Variants in STAG1 observed in about 807,000 individuals in gnomAD.
The protein encoded by STAG1 is STAG1 cohesin complex component.
A neutral mutation model predicts 170.9 loss-of-function variants in STAG1; 26 were observed. The observed-to-expected ratio is 0.15, with a 90% confidence interval of 0.11 to 0.21. STAG1 has a LOEUF of 0.21. Ranked by LOEUF, STAG1 falls within the 10% of genes least tolerant of loss-of-function variation. The pLI is 1.00. For synonymous variants in STAG1, 514 were observed against 497.7 expected, an observed-to-expected ratio of 1.03 and a Z score of -0.44; for missense variants, 964 against 1,509.5, an observed-to-expected ratio of 0.64 and a Z score of 5.99.
chr3:136,398,622 T>A, intron 22 of STAG1, 127 bp downstream of exon 22: 1 of 387,700 alleles, frequency 2.6e-6, no homozygotes, highest in Non-Finnish European at 4.1e-6. Flanking sequence ...CTGGTAATAG[T>A]CATATATTTT....
chr3:136,348,960 TTCC>T (rs1936337577), intron 29 of STAG1, 195 bp downstream of exon 29: 1 of 587,024 alleles, frequency 1.7e-6, no homozygotes. Context: ...TGCTCCATGC[TTCC>T]TCAACTTCTT....
chr3:136,567,413 C>T (rs1409615692), intron 5 of STAG1, among the ~76,000 whole-genome samples: 1 of 152,196 alleles, frequency 6.6e-6, no homozygotes, highest in Non-Finnish European at 1.5e-5. Flanking sequence ...ACCATGCTTT[C>T]TTGTCTTAAG....
At position 136,337,110 on chromosome 3, in the gene STAG1, A is replaced by G. The variant is rs1433127806; in HGVS notation, c.*1144T>C. ...TCTTAATATGCACATTTAACACTGAAATGTAGCTGTAATTCAAGGTAAGCT... is the reference window on the plus strand; with the variant it reads ...TCTTAATATGCACATTTAACACTGAGATGTAGCTGTAATTCAAGGTAAGCT... On this transcript the variant is annotated 3_prime_UTR_variant, in exon 34 of 34. Transcript: ENST00000383202. 6.6e-6 allele frequency: 1 copy of G among 152,660 alleles called. No homozygotes were observed. Among genetic ancestry groups the G allele is most frequent in the Non-Finnish European group, 1.5e-5 (1 of 68,046 alleles). The allele number at this position is 152,660 out of a possible 1,614,324, so 9.5% of individuals were successfully genotyped here.
Position 136,540,209 on chromosome 3 carries a change from A to G in STAG1, c.471+1910T>C, listed in dbSNP as rs187427349. On this transcript the variant is annotated intron_variant, in intron 6 of 33. Coordinates refer to ENST00000383202, the MANE Select transcript of STAG1 (RefSeq NM_005862.3). ...GGGTATATACACAGTAACAAAAGGA[A>G]TAATATCTTCCTCAAGTGACAGAAG... is the stretch of plus-strand genomic sequence containing the variant. Among the ~76,000 whole-genome samples, 12 of 152,252 alleles carry G rather than the reference A, an allele frequency of 7.9e-5. No individual in the cohort carries two copies. In the East Asian group the frequency reaches 1.9e-3, roughly 24 times the overall value.
In STAG1 at chr3:136,455,865, A is replaced by G. The variant is rs375373483; in HGVS notation, c.1314-3718T>C. Among the ~76,000 whole-genome samples, 21 of 152,328 alleles carry G rather than the reference A, an allele frequency of 1.4e-4. No individual in the cohort carries two copies. In the South Asian group the frequency reaches 3.1e-3, roughly 23 times the overall value. ...GGAAATAATGTAAGGCCAGCAATAT[A>G]GTTCCAGGGAAGTGTTTAAGCTCCA... On this transcript the variant is annotated intron_variant, in intron 13 of 33. Coordinates refer to ENST00000383202, the MANE Select transcript of STAG1 (RefSeq NM_005862.3).
intron 22 of STAG1, 31 bp downstream of exon 22, chr3:136,398,718 A>G (rs1348508850): frequency 2.8e-6 from 4 of 1,404,760 alleles, no homozygotes; most frequent in Non-Finnish European, 4.0e-6. Flanking sequence ...TTTCAGTAAT[A>G]ACCCTTCTGC....
chr3:136,579,956 G>C (rs983641580), intron 4 of STAG1, among the ~76,000 whole-genome samples: 7 of 99,014 alleles, frequency 7.1e-5, no homozygotes, highest in Admixed American at 5.9e-4. Flanking sequence ...AATACCATCT[G>C]AATTTTTTTT....
chr3:136,366,512 G>A (rs1937078885), intron 25 of STAG1, among the ~76,000 whole-genome samples: 1 of 152,026 alleles, frequency 6.6e-6, no homozygotes, highest in East Asian at 1.9e-4. Context: ...AATTGGAATT[G>A]GACTACACCC....
chr3:136,360,938 G>T (rs926658511), intron 26 of STAG1, among the ~76,000 whole-genome samples: 1 of 152,142 alleles, frequency 6.6e-6, no homozygotes, highest in Non-Finnish European at 1.5e-5. Flanking sequence ...AAAGTGCTGG[G>T]ATTACAGGCT....
At chr3:136,358,272 A>T (rs1936731984) in intron 27 of STAG1, among the ~76,000 whole-genome samples, 1 of 151,754 alleles carries the variant, frequency 6.6e-6, no homozygotes, top group South Asian at 2.1e-4. Flanking sequence ...TTTTGTAGAG[A>T]TGGGGTTTCG....
At chr3:136,588,200 T>C (rs1937939823) in intron 4 of STAG1, among the ~76,000 whole-genome samples, 1 of 152,158 alleles carries the variant, frequency 6.6e-6, no homozygotes, top group Non-Finnish European at 1.5e-5. Context: ...TATATACAAA[T>C]ATACACATGG....
chr3:136,589,263 C>G (rs903170847), intron 4 of STAG1, among the ~76,000 whole-genome samples: 2 of 152,050 alleles, frequency 1.3e-5, no homozygotes, highest in Non-Finnish European at 2.9e-5. Flanking sequence ...GTTTGGGAGG[C>G]CAAGGCGGGC....
chr3:136,546,110 G>T (rs1210895867), intron 5 of STAG1, among the ~76,000 whole-genome samples: 1 of 152,094 alleles, frequency 6.6e-6, no homozygotes, highest in Non-Finnish European at 1.5e-5. Flanking sequence ...CCAAAAGCAA[G>T]CACTATCCTA....
intron 30 of STAG1, among the ~76,000 whole-genome samples, chr3:136,342,598 T>C (rs951279006): frequency 6.6e-6 from 1 of 152,236 alleles, no homozygotes; most frequent in East Asian, 1.9e-4. Flanking sequence ...TCTCATTCCT[T>C]AGCCTCCTGA....
At position 136,633,357 on chromosome 3, in the gene STAG1, T is replaced by C. The variant is rs561712695; in HGVS notation, c.-83-2376A>G. Reference sequence around the variant, plus strand: ...CTCAAGGGAGAAATTAAGACATTCATAGAAAAATAAGAGCAGAAGGAATTT... The same window carrying C: ...CTCAAGGGAGAAATTAAGACATTCACAGAAAAATAAGAGCAGAAGGAATTT... On this transcript the variant is annotated intron_variant, in intron 1 of 33. Transcript: ENST00000383202. 3.9e-5 allele frequency among the ~76,000 whole-genome samples: 6 copies of C among 152,158 alleles called. No homozygotes were observed. In the East Asian group the frequency reaches 9.7e-4, roughly 25 times the overall value.
At chr3:136,408,264 A>G (rs1426697903) in intron 21 of STAG1, among the ~76,000 whole-genome samples, 6 of 151,784 alleles carry the variant, frequency 4.0e-5, no homozygotes, top group Admixed American at 3.9e-4. Context: ...TCCACTTTCA[A>G]TTCTGATAGA....
intron 5 of STAG1, among the ~76,000 whole-genome samples, chr3:136,564,866 C>T (rs953459157): frequency 4.0e-5 from 6 of 151,436 alleles, no homozygotes; most frequent in African/African-American, 4.9e-5. Context: ...AAAATCCAGC[C>T]TCCAGATTTG....
At chr3:136,403,224 T>TAAAAAAAAAAAAAAAA (rs55678408) in intron 21 of STAG1, among the ~76,000 whole-genome samples, 46 of 33,608 alleles carry the variant, frequency 1.4e-3, no homozygotes, top group South Asian at 3.7e-3. Context: ...GAGACTGTCT[T>TAAAAAAAAAAAAAAAA]AAAAAAAAAA....
intron 1 of STAG1, among the ~76,000 whole-genome samples, chr3:136,750,281 TG>T (rs1479978437): frequency 6.6e-6 from 1 of 152,140 alleles, no homozygotes; most frequent in African/African-American, 2.4e-5. Flanking sequence ...ACAGAGTAGC[TG>T]GAACTACAGG....
Sources: gnomAD v4.1 joint callset for allele counts (sites outside exome capture counted in the v4.1 genomes callset) on GRCh38, gnomAD v4.1.1 for gene constraint, MANE v1.5 for transcripts, NCBI Gene and HGNC (gene_info 2026-07-23, HGNC 2026-07-21) for gene names.